PIWIL1: variants seen among roughly 807,000 people sequenced by gnomAD.
The protein encoded by PIWIL1 is piwi like RNA-mediated gene silencing 1.
In PIWIL1, 73 loss-of-function variants were observed where a neutral mutation model predicts 114.4. That is an observed-to-expected ratio of 0.64 (90% CI 0.53 to 0.78). PIWIL1 has a LOEUF of 0.78. Ranked by LOEUF, PIWIL1 falls within the 30% of genes least tolerant of loss-of-function variation. The probability of loss-of-function intolerance (pLI) is 0.00; values close to 1 mark genes in which losing one functional copy is unlikely to be tolerated. For synonymous variants in PIWIL1, 375 were observed against 369.0 expected, an observed-to-expected ratio of 1.02 and a Z score of -0.19; for missense variants, 723 against 1,063.1, an observed-to-expected ratio of 0.68 and a Z score of 4.45.
chr12:130,346,122 G>A (rs567960707), intron 4 of PIWIL1, among the ~76,000 whole-genome samples: 1 of 152,220 alleles, frequency 6.6e-6, no homozygotes. Context: ...GATTTAGTTG[G>A]TTTTGTTGCA....
the PIWIL1 span, among the ~76,000 whole-genome samples, chr12:130,405,475 C>T: frequency 0.058 from 8,808 of 152,282 alleles, 551 homozygotes; most frequent in East Asian, 0.2. Context: ...GGGCTCTGCG[C>T]AGGGTCCTAA....
the PIWIL1 span, among the ~76,000 whole-genome samples, chr12:130,402,240 T>C: frequency 6.6e-6 from 1 of 152,214 alleles, no homozygotes; most frequent in South Asian, 2.1e-4. Context: ...TCAGAGGTCC[T>C]GTTCACACCC....
chr12:130,356,658 A>G (rs2073373701), intron 12 of PIWIL1, among the ~76,000 whole-genome samples: 1 of 152,238 alleles, frequency 6.6e-6, no homozygotes, highest in Non-Finnish European at 1.5e-5. Context: ...CGACTAAAGC[A>G]CTTAGGGAAG....
At chr12:130,400,715 C>T in the PIWIL1 span, among the ~76,000 whole-genome samples, 1 of 152,172 alleles carries the variant, frequency 6.6e-6, no homozygotes, top group South Asian at 2.1e-4. Flanking sequence ...GAGAAAATGT[C>T]TGCAAGTCAT....
At chr12:130,391,312 G>A in the PIWIL1 span, among the ~76,000 whole-genome samples, 1 of 152,216 alleles carries the variant, frequency 6.6e-6, no homozygotes, top group Admixed American at 6.5e-5. Context: ...AATTCTCGCT[G>A]GGGCCGTGCT....
the PIWIL1 span, among the ~76,000 whole-genome samples, chr12:130,392,144 G>A: frequency 3.4e-5 from 4 of 119,180 alleles, no homozygotes; most frequent in African/African-American, 1.3e-4. Context: ...TCACGTGTCC[G>A]TCAGTTACCT....
chr12:130,425,230 C>T, the PIWIL1 span: 6 of 181,318 alleles, frequency 3.3e-5, no homozygotes, highest in Non-Finnish European at 5.7e-5. Context: ...GGGAGACTGC[C>T]CGGGGGCTAC....
chr12:130,348,127 A>G lies in PIWIL1; in HGVS notation c.678A>G (p.Gln226=), dbSNP rs2136139257. ...FRRLLKIMNL[Q]QIGRNYYNPN... Reference sequence around the variant, plus strand: ...GGCTTTTGAAAATCATGAATTTGCAACAAATTGGACGAAATTATTATAACC... The same window carrying G: ...GGCTTTTGAAAATCATGAATTTGCAGCAAATTGGACGAAATTATTATAACC... The change falls in exon 7 of 21, where the codon CAA becomes CAG. Residue 226 remains glutamine (Q), a synonymous_variant. Transcript: ENST00000245255. 2 of 1,608,550 alleles carry G rather than the reference A, an allele frequency of 1.2e-6. No individual in the cohort carries two copies. Among genetic ancestry groups the G allele is most frequent in the East Asian group, 2.2e-5 (1 of 44,840 alleles).
At position 130,347,800 on chromosome 12, in the gene PIWIL1, C is replaced by T. The variant is rs182319842; in HGVS notation, c.654-303C>T. On this transcript the variant is annotated intron_variant, in intron 6 of 20. Transcript: ENST00000245255. ...CTCTTCAGCTCTACTACTGGACCGC[C>T]GAAACAGCCAGACACAGCGTGTGAG... Among the ~76,000 whole-genome samples, 33 of 152,296 alleles carry T rather than the reference C, an allele frequency of 2.2e-4. No individual in the cohort carries two copies. In the East Asian group the frequency reaches 5.6e-3, roughly 26 times the overall value.
At chr12:130,424,345 C>T in the PIWIL1 span, 1 of 1,232,222 alleles carries the variant, frequency 8.1e-7, no homozygotes, top group African/African-American at 1.5e-5. This position sits in a 1 kb window ranked among gnomAD's most constrained non-coding sequence, Gnocchi z 9.8. Flanking sequence ...CCCACCTGCT[C>T]CCCAAAGTCC....
chr12:130,391,107 G>C, the PIWIL1 span, among the ~76,000 whole-genome samples: 2 of 152,168 alleles, frequency 1.3e-5, no homozygotes, highest in Non-Finnish European at 2.9e-5. Flanking sequence ...GCGTCTCACT[G>C]TTCTCTCCCT....
At chr12:130,412,008 T>G in the PIWIL1 span, among the ~76,000 whole-genome samples, 2 of 152,182 alleles carry the variant, frequency 1.3e-5, no homozygotes, top group African/African-American at 4.8e-5. Context: ...AGGCTTTTTT[T>G]GAGACTACAG....
At chr12:130,348,726 C>T in intron 7 of PIWIL1, among the ~76,000 whole-genome samples, 1 of 152,106 alleles carries the variant, frequency 6.6e-6, no homozygotes, top group Non-Finnish European at 1.5e-5. Flanking sequence ...GATGATGAAA[C>T]CCCGTCTCTA....
rs561333453 is a variant in PIWIL1 at position 130,357,387 on chromosome 12, C to G, written c.1593-94C>G. The G allele has an allele frequency of 4.4e-6, 4 of 903,008 alleles. No homozygotes were observed. The African/African-American group carries it at 5.0e-5, about 11-fold the overall frequency. The allele number at this position is 903,008 out of a possible 1,614,324, so 55.9% of individuals were successfully genotyped here. ...TCGGTGTTTGATTTCATGTTTTATA[C>G]GGAAACGTTTCCTGTGTTACACAGG... On this transcript the variant is annotated intron_variant, in intron 13 of 20. Transcript: ENST00000245255.
At chr12:130,338,698 G>C (rs1316824602) in intron 1 of PIWIL1, among the ~76,000 whole-genome samples, 1 of 109,338 alleles carries the variant, frequency 9.1e-6, no homozygotes, top group Non-Finnish European at 1.9e-5. Flanking sequence ...AGGTGCGGGG[G>C]ATGCAGGAGC....
intron 14 of PIWIL1, among the ~76,000 whole-genome samples, chr12:130,359,699 G>A (rs2073458107): frequency 6.6e-6 from 1 of 152,184 alleles, no homozygotes; most frequent in African/African-American, 2.4e-5. Context: ...ACTGTAGTGG[G>A]TGATACATAG....
intron 5 of PIWIL1, 114 bp from the exon 6 acceptor site, chr12:130,346,827 C>T (rs1412121136): frequency 1.2e-5 from 16 of 1,338,654 alleles, no homozygotes; most frequent in Non-Finnish European, 1.5e-5. Flanking sequence ...AAAAAAAATC[C>T]AGTTAAAACA....
intron 16 of PIWIL1, among the ~76,000 whole-genome samples, 169 bp from the exon 17 acceptor site, chr12:130,362,597 C>T (rs1297758984): frequency 1.3e-5 from 2 of 152,178 alleles, no homozygotes; most frequent in East Asian, 3.9e-4. Context: ...TTGTATCCTG[C>T]TCCTTCTGTG....
At chr12:130,393,402 C>T in the PIWIL1 span, among the ~76,000 whole-genome samples, 520 of 125,386 alleles carry the variant, frequency 4.1e-3, no homozygotes, top group South Asian at 0.023. Context: ...ACCGTCATCA[C>T]GTGGGTGCGT....
Sources: gnomAD v4.1 joint callset for allele counts (sites outside exome capture counted in the v4.1 genomes callset) on GRCh38, gnomAD v4.1.1 for gene constraint, Gnocchi (gnomAD v3.1) non-coding constraint, MANE v1.5 for transcripts, NCBI Gene and HGNC (gene_info 2026-07-23, HGNC 2026-07-21) for gene names.